Variants in CDON observed in about 807,000 individuals in gnomAD.
CDON encodes cell adhesion molecule-related/down-regulated by oncogenes.
A neutral mutation model predicts 120.9 loss-of-function variants in CDON; 73 were observed. The observed-to-expected ratio is 0.60, with a 90% CI of 0.50 to 0.73. The LOEUF is 0.73. CDON is among the 30% of genes least tolerant of loss of function. CDON has a pLI of 0.00. For missense variants in CDON, 1,470 were observed against 1,587.3 expected (o/e 0.93, Z 1.26); for synonymous variants, 566 against 573.5 (o/e 0.99, Z 0.19).
chr11:126,012,565 CTTT>C (rs755134644), intron 7 of CDON, among the ~76,000 whole-genome samples: 8 of 135,138 alleles, frequency 5.9e-5, no homozygotes, highest in South Asian at 2.4e-4. Context: ...CCATGCCTGG[CTTT>C]TTTTTTTTTT....
chr11:125,982,742 T>C (rs979554829), intron 16 of CDON, among the ~76,000 whole-genome samples: 5 of 152,236 alleles, frequency 3.3e-5, no homozygotes, highest in South Asian at 2.1e-4. Flanking sequence ...ATCTGATTAA[T>C]ATGGCTGGGA....
At chr11:125,965,889 C>T (rs529538693) in intron 18 of CDON, among the ~76,000 whole-genome samples, 1 of 152,306 alleles carries the variant, frequency 6.6e-6, no homozygotes, top group Non-Finnish European at 1.5e-5. Context: ...AATCCCGGCA[C>T]TTTGGGAGGC....
intron 1 of CDON, among the ~76,000 whole-genome samples, chr11:126,030,355 C>T (rs912872316): frequency 5.3e-5 from 8 of 152,160 alleles, no homozygotes; most frequent in Non-Finnish European, 1.2e-4. Flanking sequence ...TTTGAAGCAA[C>T]GCCTTTGCTT....
At chr11:126,058,100 T>C (rs1302614388) in intron 1 of CDON, among the ~76,000 whole-genome samples, 1 of 152,216 alleles carries the variant, frequency 6.6e-6, no homozygotes, top group East Asian at 1.9e-4. Flanking sequence ...AATTCTCTGT[T>C]TGTATTAGGG....
chr11:126,027,295 G>A (rs1947815307), intron 1 of CDON, among the ~76,000 whole-genome samples: 1 of 152,050 alleles, frequency 6.6e-6, no homozygotes, highest in Admixed American at 6.6e-5. Context: ...AGCACCCCAG[G>A]CCCAACCTCA....
rs1945539780 is a variant in CDON, at chr11:125,958,297, G to T, written c.*2645C>A. 6.6e-6 allele frequency: 1 copy of T among 152,188 alleles called. No individual in the cohort carries two copies. Among genetic ancestry groups the T allele is most frequent in the Non-Finnish European group, 1.5e-5 (1 of 68,046 alleles). The allele number at this position is 152,188 out of a possible 1,614,324, so 9.4% of individuals were successfully genotyped here. A position where few individuals can be genotyped will look rare whatever the true frequency, so the allele number is the denominator to read the frequency against. ...GGATTCAGGTCCCATGGCTCACTGA[G>T]TGACTTGGGGATTTTAATGCCAACT... is the stretch of plus-strand genomic sequence containing the variant. On this transcript the variant is annotated 3_prime_UTR_variant, in exon 20 of 20. Transcript: ENST00000531738.
intron 1 of CDON, 45 bp from the exon 2 acceptor site, chr11:126,023,582 C>A: frequency 3.5e-6 from 3 of 865,682 alleles, no homozygotes; most frequent in Admixed American, 1.8e-5. Flanking sequence ...TGAAATCTTT[C>A]GTCTGAGCAG....
chr11:126,056,495 A>G (rs907058959), intron 1 of CDON, among the ~76,000 whole-genome samples: 45 of 152,332 alleles, frequency 3.0e-4, no homozygotes, highest in African/African-American at 1.0e-3. Flanking sequence ...GAAAAATACA[A>G]TGTCTCCTGA....
intron 3 of CDON, among the ~76,000 whole-genome samples, chr11:126,020,228 T>TA (rs1947594290): frequency 6.6e-6 from 1 of 152,164 alleles, no homozygotes; most frequent in Admixed American, 6.5e-5. Context: ...TCAGTCAAGA[T>TA]AAATCCTTTT....
chr11:125,962,507 T>TA (rs1450559118), intron 18 of CDON, among the ~76,000 whole-genome samples: 1 of 152,264 alleles, frequency 6.6e-6, no homozygotes, highest in African/African-American at 2.4e-5. Context: ...CTATAAGGAT[T>TA]AGACATTCAA....
chr11:126,039,902 AC>A (rs1948210322), intron 1 of CDON, among the ~76,000 whole-genome samples: 1 of 151,332 alleles, frequency 6.6e-6, no homozygotes. Flanking sequence ...TCCACTCGAA[AC>A]CCCCCATTGC....
intron 1 of CDON, among the ~76,000 whole-genome samples, chr11:126,040,956 C>T (rs1211107871): frequency 2.0e-5 from 3 of 150,980 alleles, no homozygotes; most frequent in Non-Finnish European, 4.4e-5. Context: ...TTTAGGAGGC[C>T]GAGGCGGGCG....
intron 7 of CDON, chr11:126,014,827 C>CA (rs1301230706): frequency 1.3e-5 from 2 of 158,550 alleles, no homozygotes; most frequent in Admixed American, 1.2e-4. Context: ...GTAAAAAAAA[C>CA]AAAAAAAGGT....
In CDON at chr11:126,034,449, A is replaced by G. The variant is rs750166793; in HGVS notation, c.-61-10912T>C. Reference sequence around the variant, plus strand: ...AAAAAGGCAACAGTGAGGGGCTGCCAGCTGCAACAGGAATCAATGTGGTCC... The same window carrying G: ...AAAAAGGCAACAGTGAGGGGCTGCCGGCTGCAACAGGAATCAATGTGGTCC... On this transcript the variant is annotated intron_variant, in intron 1 of 19. Transcript: ENST00000531738. This position sits in a 1 kb window ranked among gnomAD's most constrained non-coding sequence, Gnocchi z 4.5. 6.6e-6 allele frequency among the ~76,000 whole-genome samples: 1 copy of G among 152,178 alleles called. No homozygotes were observed. The highest frequency in any genetic ancestry group is 2.4e-5 in the African/African-American group (1 of 41,448).
chr11:126,001,750 C>T lies in CDON; in HGVS notation c.2127G>A (p.Val709=). ...VSEAANNNFG[V]VLTDSSRHSG... Reference sequence around the variant, plus strand: ...TGTGCCTAGAGGAATCTGTAAGTACCACTCCAAAATTGTTGTTTGCAGCCT... The same window carrying T: ...TGTGCCTAGAGGAATCTGTAAGTACTACTCCAAAATTGTTGTTTGCAGCCT... Residue 709 remains valine, a synonymous_variant, in exon 11 of 20, where the codon GTG becomes GTA. Coordinates refer to ENST00000531738, the MANE Select transcript of CDON (RefSeq NM_001378964.1). 2.5e-6 allele frequency: 4 copies of T among 1,613,548 alleles called. No individual in the cohort carries two copies. Among genetic ancestry groups the T allele is most frequent in the Non-Finnish European group, 3.4e-6 (4 of 1,179,552 alleles).
At chr11:125,996,218 C>T (rs1209660363) in intron 12 of CDON, among the ~76,000 whole-genome samples, 1 of 151,142 alleles carries the variant, frequency 6.6e-6, no homozygotes, top group Non-Finnish European at 1.5e-5. Context: ...AGATGTACAC[C>T]ACAGTATTTC....
rs558186880 is a variant in CDON at position 126,008,689 on chromosome 11, T to A, written c.1552+1652A>T. On this transcript the variant is annotated intron_variant, in intron 8 of 19. Transcript: ENST00000531738. The stretch of plus-strand genomic sequence containing the variant: ...ATTCTACCCAAGGAGCTCCTGCAAC[T>A]ACACCTGTCATGCAGTTAACAATTT... Among the ~76,000 whole-genome samples, 17 of 152,322 alleles carry A rather than the reference T, an allele frequency of 1.1e-4. No homozygotes were observed. In the East Asian group the frequency reaches 1.9e-3, roughly 17 times the overall value.
chr11:125,990,124 A>C lies in CDON; in HGVS notation c.2651-365T>G, dbSNP rs534962411. ...CATCCCTATCTTAACCCAGCAAGTC[A>C]ATCCATGTTCCCCCACCAAAAAGCA... On this transcript the variant is annotated intron_variant, in intron 14 of 19. Transcript: ENST00000531738. Among the ~76,000 whole-genome samples, 435 of 152,320 alleles carry C rather than the reference A, an allele frequency of 2.9e-3. 2 individuals carry two copies. Among genetic ancestry groups the C allele is most frequent in the Non-Finnish European group, 3.4e-3 (229 of 68,026 alleles).
chr11:125,986,167 G>A (rs1049530730), intron 15 of CDON, among the ~76,000 whole-genome samples: 6 of 152,130 alleles, frequency 3.9e-5, no homozygotes, highest in Non-Finnish European at 7.3e-5. Flanking sequence ...CCTTCGTAGC[G>A]ACATGGATGA....
Sources: allele counts gnomAD v4.1 joint callset (sites outside exome capture counted in the v4.1 genomes callset), GRCh38; gene constraint gnomAD v4.1.1; non-coding constraint Gnocchi (gnomAD v3.1); transcripts MANE v1.5; gene names NCBI Gene and HGNC (gene_info 2026-07-23, HGNC 2026-07-21).